Variants in RANBP2 observed in about 807,000 individuals in gnomAD.
RANBP2 encodes RAN binding protein 2.
In RANBP2, 57 loss-of-function variants were observed where a neutral mutation model predicts 303.6. The ratio of observed to expected loss-of-function variants is 0.19; its 90% CI spans 0.15 to 0.23. The LOEUF is 0.23. RANBP2 is among the 10% of genes least tolerant of loss of function. The pLI, the probability that RANBP2 is intolerant of heterozygous loss-of-function variation, is 1.00. For missense variants in RANBP2, 3,138 were observed against 3,780.8 expected (o/e 0.83, Z 4.46); for synonymous variants, 1,167 against 1,301.5 (o/e 0.90, Z 2.23).
the RANBP2 span, among the ~76,000 whole-genome samples, chr2:109,184,408 C>T: frequency 6.6e-6 from 1 of 152,206 alleles, no homozygotes; most frequent in South Asian, 2.1e-4. Flanking sequence ...GTGATGAAAG[C>T]AGATATGTCA....
At chr2:108,827,075 G>T in the RANBP2 span, among the ~76,000 whole-genome samples, 5 of 152,066 alleles carry the variant, frequency 3.3e-5, no homozygotes, top group African/African-American at 1.2e-4. Context: ...ACAATTAAAG[G>T]CAAGTCAAGA....
chr2:109,044,925 A>C, the RANBP2 span, among the ~76,000 whole-genome samples: 1 of 152,230 alleles, frequency 6.6e-6, no homozygotes, highest in African/African-American at 2.4e-5. Context: ...TGATTCTACT[A>C]AAGTCTTCGT....
chr2:109,691,176 T>G, the RANBP2 span, among the ~76,000 whole-genome samples: 2 of 152,104 alleles, frequency 1.3e-5, no homozygotes, highest in Non-Finnish European at 2.9e-5. Context: ...GCCTAGCAAG[T>G]GTGTTTAAAG....
At chr2:109,662,567 T>C in the RANBP2 span, among the ~76,000 whole-genome samples, 1 of 152,014 alleles carries the variant, frequency 6.6e-6, no homozygotes, top group South Asian at 2.1e-4. Context: ...TTTGTGTTTT[T>C]AGCCACCATG....
intron 23 of RANBP2, among the ~76,000 whole-genome samples, chr2:108,774,423 T>G (rs776780250): frequency 6.6e-6 from 1 of 152,096 alleles, no homozygotes; most frequent in Non-Finnish European, 1.5e-5. Context: ...ATTGTGCCTG[T>G]GTATAGCCAC....
chr2:109,008,032 G>A, the RANBP2 span, among the ~76,000 whole-genome samples: 1 of 152,126 alleles, frequency 6.6e-6, no homozygotes, highest in East Asian at 1.9e-4. Flanking sequence ...TTGTGAAATG[G>A]TAAATTATGC....
At chr2:109,281,470 A>C in the RANBP2 span, among the ~76,000 whole-genome samples, 1 of 152,164 alleles carries the variant, frequency 6.6e-6, no homozygotes, top group African/African-American at 2.4e-5. Context: ...CGTGTACTGG[A>C]GGCAGCTCTT....
the RANBP2 span, chr2:108,883,351 T>G: frequency 1.2e-4 from 18 of 152,374 alleles, no homozygotes; most frequent in East Asian, 3.5e-3. Context: ...GAATGTGCAC[T>G]ATTTACTGAG....
At chr2:108,883,179 A>G in the RANBP2 span, 1 of 152,196 alleles carries the variant, frequency 6.6e-6, no homozygotes, top group African/African-American at 2.4e-5. Context: ...AAATTTGCCC[A>G]AGAAATACTT....
At chr2:108,930,973 G>A in the RANBP2 span, 28 of 1,613,812 alleles carry the variant, frequency 1.7e-5, no homozygotes, top group Middle Eastern at 1.6e-4. Context: ...CCACCAGGAC[G>A]GGGAGCCAGG....
rs773650212 is a variant in RANBP2 at position 108,764,642 on chromosome 2, C to G, written c.4103C>G (p.Thr1368Ser). Residue 1368 changes from threonine (T) to serine (S), a missense_variant, in exon 20 of 29, where the codon ACT (threonine) becomes AGT (serine). Thr to Ser is a moderately conservative substitution (Grantham distance 58, BLOSUM62 1). Transcript: ENST00000283195. ...AGCTGCTCATTAAAGAATGCTTCAA[C>G]TGCTAAGAAATGTGTATCATGCCAA... ...CNSCSLKNASTAKKCVSCQNL... is the reference protein window; with the variant it reads ...CNSCSLKNASSAKKCVSCQNL... 1.9e-6 allele frequency: 3 copies of G among 1,614,010 alleles called. No homozygotes were observed. The highest frequency in any genetic ancestry group is 3.3e-5 in the Admixed American group (2 of 60,006).
intron 15 of RANBP2, among the ~76,000 whole-genome samples, chr2:108,754,538 AG>A (rs1056236334): frequency 6.7e-6 from 1 of 150,044 alleles, no homozygotes; most frequent in African/African-American, 2.5e-5. Flanking sequence ...AAAATCAGTT[AG>A]AAAACATCAG....
the RANBP2 span, among the ~76,000 whole-genome samples, chr2:109,164,919 T>C: frequency 6.6e-6 from 1 of 152,240 alleles, no homozygotes; most frequent in African/African-American, 2.4e-5. Context: ...ACACTACAAC[T>C]GGACCATTGC....
the RANBP2 span, among the ~76,000 whole-genome samples, chr2:109,326,068 G>A: frequency 6.6e-6 from 1 of 152,210 alleles, no homozygotes; most frequent in African/African-American, 2.4e-5. Flanking sequence ...GGTATCCTGG[G>A]CGTATGCCAC....
chr2:108,812,784 A>T, the RANBP2 span: 1 of 1,611,668 alleles, frequency 6.2e-7, no homozygotes, highest in African/African-American at 1.3e-5. Flanking sequence ...ATTTAGATAC[A>T]ATTGTTCTTT....
the RANBP2 span, among the ~76,000 whole-genome samples, chr2:109,709,356 A>C: frequency 0.012 from 1,763 of 150,772 alleles, 16 homozygotes; most frequent in Non-Finnish European, 0.016. Flanking sequence ...ATAAAATAAA[A>C]TAAAATAAAA....
the RANBP2 span, among the ~76,000 whole-genome samples, chr2:108,985,107 G>A: frequency 6.6e-6 from 1 of 152,178 alleles, no homozygotes; most frequent in Admixed American, 6.5e-5. Flanking sequence ...GTTGTTGGCA[G>A]AATCAACTCT....
the RANBP2 span, among the ~76,000 whole-genome samples, chr2:109,249,469 C>CTTTCTTTCTT: frequency 1.9e-4 from 3 of 15,686 alleles, no homozygotes; most frequent in Non-Finnish European, 2.8e-4. Flanking sequence ...CTCTCTTTCT[C>CTTTCTTTCTT]TTTCTTTCTT....
chr2:109,289,391 A>G, the RANBP2 span, among the ~76,000 whole-genome samples: 1 of 152,028 alleles, frequency 6.6e-6, no homozygotes, highest in Non-Finnish European at 1.5e-5. Context: ...GTTTTAGGGT[A>G]CTCTTCTGCA....
Sources: allele counts gnomAD v4.1 joint callset (sites outside exome capture counted in the v4.1 genomes callset), GRCh38; gene constraint gnomAD v4.1.1; transcripts MANE v1.5; gene names NCBI Gene and HGNC (gene_info 2026-07-23, HGNC 2026-07-21).